ARHGEF3: variants seen among roughly 807,000 people sequenced by gnomAD.
ARHGEF3 encodes Rho guanine nucleotide exchange factor 3, also known as 59.8 kDA protein.
Under a neutral mutation model 63.2 loss-of-function variants are expected in ARHGEF3, and 28 were observed. The ratio of observed to expected loss-of-function variants is 0.44; its 90% CI spans 0.33 to 0.61. ARHGEF3 has a LOEUF of 0.61. Among genes scored for constraint, ARHGEF3 ranks in the 20% least tolerant of loss-of-function variants. The probability of loss-of-function intolerance (pLI) is 0.03; values close to 1 mark genes in which losing one functional copy is unlikely to be tolerated. For missense variants in ARHGEF3, 533 were observed against 659.3 expected, an observed-to-expected ratio of 0.81 and a Z score of 2.10; for synonymous variants, 266 against 254.2, an observed-to-expected ratio of 1.05 and a Z score of -0.44.
intron 1 of ARHGEF3, chr3:57,060,592 T>C: frequency 6.6e-6 from 1 of 152,032 alleles, no homozygotes; most frequent in East Asian, 1.9e-4. Flanking sequence ...TTGCTGGGAG[T>C]TGAGCTGTGA....
intron 1 of ARHGEF3, among the ~76,000 whole-genome samples, chr3:57,076,088 A>G (rs1706208648): frequency 6.6e-6 from 1 of 152,232 alleles, no homozygotes; most frequent in Non-Finnish European, 1.5e-5. Flanking sequence ...TCCAAGGATT[A>G]ATTTTCTTTT....
intron 4 of ARHGEF3, among the ~76,000 whole-genome samples, chr3:56,825,621 C>T (rs746629777): frequency 7.2e-5 from 11 of 152,178 alleles, no homozygotes; most frequent in Non-Finnish European, 1.5e-4. Context: ...AAAGTTATTG[C>T]TCTTATCACA....
chr3:56,899,550 A>G (rs1021479489), intron 3 of ARHGEF3, among the ~76,000 whole-genome samples: 3 of 152,242 alleles, frequency 2.0e-5, no homozygotes, highest in African/African-American at 7.2e-5. Flanking sequence ...TATGGCAAGC[A>G]TACTGGTTTT....
intron 4 of ARHGEF3, among the ~76,000 whole-genome samples, chr3:56,862,641 T>C (rs762365600): frequency 1.9e-4 from 29 of 152,144 alleles, no homozygotes; most frequent in Non-Finnish European, 3.5e-4. Context: ...ACCAGCAAAT[T>C]ACACCTCTTG....
intron 1 of ARHGEF3, among the ~76,000 whole-genome samples, chr3:57,076,581 C>T (rs1706233005): frequency 6.6e-6 from 1 of 152,172 alleles, no homozygotes. Context: ...TGACAAGTTC[C>T]CTGTGCCTAG....
chr3:56,852,382 G>A (rs561381328), intron 4 of ARHGEF3, among the ~76,000 whole-genome samples: 208 of 152,194 alleles, frequency 1.4e-3, no homozygotes, highest in Non-Finnish European at 2.1e-3. Flanking sequence ...TAGTTTCTTT[G>A]AATTGAATCA....
chr3:56,985,920 G>T (rs1005832165), intron 2 of ARHGEF3, among the ~76,000 whole-genome samples: 4 of 152,224 alleles, frequency 2.6e-5, no homozygotes, highest in Non-Finnish European at 4.4e-5. Context: ...GGACACTCAG[G>T]GAGGTCCCTC....
At chr3:56,983,349 G>A (rs1468339402) in intron 2 of ARHGEF3, among the ~76,000 whole-genome samples, 1 of 152,006 alleles carries the variant, frequency 6.6e-6, no homozygotes, top group Admixed American at 6.6e-5. Context: ...TGGGCTCTTG[G>A]GGTCTCCATC....
chr3:57,015,081 G>A (rs9859786), intron 2 of ARHGEF3, among the ~76,000 whole-genome samples: 150,174 of 152,202 alleles, frequency 0.99, 74,112 homozygotes, highest in East Asian at 1. Flanking sequence ...GAGGTTGGCA[G>A]ACTAGGGCCT....
chr3:56,986,287 C>A (rs1476789575), intron 2 of ARHGEF3, among the ~76,000 whole-genome samples: 1 of 152,200 alleles, frequency 6.6e-6, no homozygotes, highest in African/African-American at 2.4e-5. Flanking sequence ...AGACTGAATT[C>A]TCAGTTGCTT....
intron 4 of ARHGEF3, among the ~76,000 whole-genome samples, chr3:56,811,612 G>A (rs1347577704): frequency 6.6e-6 from 1 of 152,146 alleles, no homozygotes; most frequent in Non-Finnish European, 1.5e-5. Flanking sequence ...TTGGTTAAGT[G>A]GGAGCTGAAT....
chr3:56,897,654 G>A (rs2108298863), intron 3 of ARHGEF3, among the ~76,000 whole-genome samples: 1 of 150,960 alleles, frequency 6.6e-6, no homozygotes, highest in Non-Finnish European at 1.5e-5. Context: ...TTCACCTCCT[G>A]GGTTCAAGCA....
At chr3:56,993,986 C>T (rs571789262) in intron 2 of ARHGEF3, among the ~76,000 whole-genome samples, 41 of 143,942 alleles carry the variant, frequency 2.8e-4, no homozygotes, top group Non-Finnish European at 4.8e-4. Context: ...AACGCTTGAA[C>T]CCGGGAGGCG....
At chr3:57,014,368 C>T (rs988512640) in intron 2 of ARHGEF3, among the ~76,000 whole-genome samples, 2 of 152,178 alleles carry the variant, frequency 1.3e-5, no homozygotes, top group African/African-American at 2.4e-5. Context: ...ACTACAGCAC[C>T]TTCCTTCCAA....
intron 3 of ARHGEF3, among the ~76,000 whole-genome samples, chr3:56,950,253 G>T (rs13076121): frequency 0.21 from 31,488 of 151,724 alleles, 3,655 homozygotes; most frequent in Middle Eastern, 0.39. Context: ...CCAAAAGCAA[G>T]GGCAACAAAA....
chr3:56,776,392 T>C (rs1360688192), intron 1 of ARHGEF3, among the ~76,000 whole-genome samples: 1 of 152,194 alleles, frequency 6.6e-6, no homozygotes, highest in Non-Finnish European at 1.5e-5. Context: ...TAATGAACAA[T>C]TGAACCAGAA....
At chr3:56,833,394 C>G (rs762550148) in intron 4 of ARHGEF3, among the ~76,000 whole-genome samples, 2 of 152,142 alleles carry the variant, frequency 1.3e-5, no homozygotes, top group African/African-American at 2.4e-5. Context: ...TGTATATATT[C>G]TTTGGAGACT....
chr3:56,968,003 ATAT>A (rs1441344951), intron 2 of ARHGEF3, among the ~76,000 whole-genome samples: 2 of 43,430 alleles, frequency 4.6e-5, no homozygotes, highest in East Asian at 8.7e-4. Flanking sequence ...TATATAATAT[ATAT>A]TTTTAAATAT....
chr3:57,055,461 C>T (rs1202919433), intron 1 of ARHGEF3, among the ~76,000 whole-genome samples: 1 of 152,136 alleles, frequency 6.6e-6, no homozygotes, highest in East Asian at 1.9e-4. Context: ...CCCGCCTGGC[C>T]CCTTTATGCT....
Sources: gnomAD v4.1 joint callset for allele counts (sites outside exome capture counted in the v4.1 genomes callset) on GRCh38, gnomAD v4.1.1 for gene constraint, MANE v1.5 for transcripts, NCBI Gene and HGNC (gene_info 2026-07-23, HGNC 2026-07-21) for gene names.